Variants in VANGL1 observed in about 807,000 individuals in gnomAD.
VANGL1 encodes VANGL planar cell polarity protein 1.
Under a neutral mutation model 48.4 loss-of-function variants are expected in VANGL1, and 18 were observed. The observed-to-expected ratio is 0.37, with a 90% confidence interval of 0.26 to 0.55. VANGL1 has a LOEUF of 0.55. Among genes scored for constraint, VANGL1 ranks in the 20% least tolerant of loss-of-function variants. VANGL1 has a pLI of 0.81. For missense variants in VANGL1, 667 were observed against 675.8 expected (o/e 0.99, Z 0.14); for synonymous variants, 257 against 261.8 (o/e 0.98, Z 0.18).
At chr1:115,660,577 A>G (rs1652510318) in intron 3 of VANGL1, among the ~76,000 whole-genome samples, 2 of 152,232 alleles carry the variant, frequency 1.3e-5, no homozygotes, top group Admixed American at 6.5e-5. Context: ...TTAAATAAAC[A>G]TCTGAGCTAT....
Position 115,659,783 on chromosome 1 carries a change from A to T in VANGL1, c.204+10A>T. ...GACAGAGGAAGTTCAGGTAAGGATC[A>T]AAGGTGGTCTGTAAGCACACTGCCA... On this transcript the variant is annotated intron_variant, in intron 3 of 7. Coordinates refer to ENST00000355485, the MANE Select transcript of VANGL1 (RefSeq NM_138959.3). 6.2e-7 allele frequency: 1 copy of T among 1,614,172 alleles called. No homozygotes were observed. The highest frequency in any genetic ancestry group is 8.5e-7 in the Non-Finnish European group (1 of 1,180,016).
chr1:115,647,575 G>A (rs1379876383), intron 1 of VANGL1, among the ~76,000 whole-genome samples: 1 of 152,204 alleles, frequency 6.6e-6, no homozygotes, highest in Non-Finnish European at 1.5e-5. Context: ...GATAGGATAA[G>A]AGTTGGTAAC....
chr1:115,671,702 T>C (rs549455881), intron 4 of VANGL1, among the ~76,000 whole-genome samples: 1 of 152,210 alleles, frequency 6.6e-6, no homozygotes, highest in South Asian at 2.1e-4. Context: ...GGTTGGACTG[T>C]GTAAGGAAAT....
Position 115,645,534 on chromosome 1 carries a change from C to T in VANGL1, c.-138+3448C>T, listed in dbSNP as rs575509255. On this transcript the variant is annotated intron_variant, in intron 1 of 7. Transcript: ENST00000355485. ...ACTGAGGCAGAGAGCAGTTAAGTAA[C>T]TTGTTCTGAGGTCACACAGCTAAGT... is the stretch of plus-strand genomic sequence containing the variant. Among the ~76,000 whole-genome samples, 9 of 152,308 alleles carry T rather than the reference C, an allele frequency of 5.9e-5. No homozygotes were observed. In the South Asian group the frequency reaches 1.7e-3, roughly 28 times the overall value.
At chr1:115,661,554 G>C (rs532669391) in intron 3 of VANGL1, among the ~76,000 whole-genome samples, 35 of 142,930 alleles carry the variant, frequency 2.4e-4, no homozygotes, top group African/African-American at 8.6e-4. Flanking sequence ...GTATTCCATT[G>C]TATCAGTCTA....
chr1:115,668,708 CT>C (rs1461447615), intron 4 of VANGL1, among the ~76,000 whole-genome samples: 2 of 152,054 alleles, frequency 1.3e-5, no homozygotes, highest in African/African-American at 2.4e-5. Context: ...CTGAGGCTGA[CT>C]TTTTTTTCCT....
chr1:115,662,659 A>G (rs1434465321), intron 3 of VANGL1, among the ~76,000 whole-genome samples: 2 of 152,236 alleles, frequency 1.3e-5, no homozygotes, highest in East Asian at 3.8e-4. Context: ...TGTTTTAGAA[A>G]GAATTTTTAA....
intron 2 of VANGL1, among the ~76,000 whole-genome samples, chr1:115,656,912 A>G (rs1254812344): frequency 6.6e-6 from 1 of 152,252 alleles, no homozygotes; most frequent in Non-Finnish European, 1.5e-5. Context: ...TAGATGGGTT[A>G]GGTGAGCATG....
At chr1:115,676,888 A>G (rs964792213) in intron 4 of VANGL1, among the ~76,000 whole-genome samples, 1 of 152,218 alleles carries the variant, frequency 6.6e-6, no homozygotes, top group Non-Finnish European at 1.5e-5. Context: ...TTTGGAGCCC[A>G]CTTATCATGG....
chr1:115,677,690 GCA>G (rs1026702426), intron 4 of VANGL1, among the ~76,000 whole-genome samples: 12 of 152,200 alleles, frequency 7.9e-5, no homozygotes, highest in African/African-American at 7.2e-5. Context: ...CACCAGTTGA[GCA>G]CAGAGTCCTC....
intron 4 of VANGL1, among the ~76,000 whole-genome samples, chr1:115,673,907 T>A (rs1425804065): frequency 6.6e-6 from 1 of 152,114 alleles, no homozygotes; most frequent in Non-Finnish European, 1.5e-5. Flanking sequence ...GGCCACCTCT[T>A]TTCTTATACG....
At position 115,691,283 on chromosome 1, in the gene VANGL1, T is replaced by C. The variant is rs1653823241; in HGVS notation, c.1479T>C (p.Asn493=). 6.2e-7 allele frequency: 1 copy of C among 1,614,034 alleles called. No homozygotes were observed. The highest frequency in any genetic ancestry group is 1.3e-5 in the African/African-American group (1 of 74,900). ...LKCLDFSLVV[N]VKKIPFIILS... is the part of the protein sequence containing the mutation. ...GCTTGGACTTCAGCCTCGTAGTCAA[T>C]GTGAAGAAAATTCCATTCATCATAC... The change falls in exon 8 of 8, where the codon AAT becomes AAC. Residue 493 remains asparagine (N), a synonymous_variant. Coordinates refer to ENST00000355485, the MANE Select transcript of VANGL1 (RefSeq NM_138959.3).
chr1:115,654,861 G>A (rs1335777098), intron 2 of VANGL1, among the ~76,000 whole-genome samples: 1 of 152,148 alleles, frequency 6.6e-6, no homozygotes, highest in Non-Finnish European at 1.5e-5. Flanking sequence ...GGAGGTCATA[G>A]CCCCATTTTA....
intron 4 of VANGL1, among the ~76,000 whole-genome samples, chr1:115,681,471 G>A (rs1300055580): frequency 1.3e-5 from 2 of 151,384 alleles, no homozygotes; most frequent in Non-Finnish European, 2.9e-5. Context: ...GAAAGATCAA[G>A]TGGTCTCAGC....
At position 115,690,969 on chromosome 1, in the gene VANGL1, A is replaced by G. The variant is rs1570780564; in HGVS notation, c.1315-150A>G. The G allele has an allele frequency of 5.6e-6, 6 of 1,069,092 alleles. No homozygotes were observed. The South Asian group carries it at 5.7e-5, about 10-fold the overall frequency. 66.2% of individuals were successfully genotyped at this position (1,069,092 alleles called of 1,614,324 possible). On this transcript the variant is annotated intron_variant, in intron 7 of 7. Coordinates refer to ENST00000355485, the MANE Select transcript of VANGL1 (RefSeq NM_138959.3). The stretch of plus-strand genomic sequence containing the variant: ...GTAATGACTCAGTTGTGAGGGTCTG[A>G]TGGGAATTGAGTGTGATGAGCTGGG...
chr1:115,654,937 C>G (rs916868444), intron 2 of VANGL1, among the ~76,000 whole-genome samples: 5 of 152,122 alleles, frequency 3.3e-5, no homozygotes, highest in Admixed American at 1.3e-4. Flanking sequence ...TAGTAGGTGC[C>G]CTCAGCAGAT....
Position 115,655,207 on chromosome 1 carries a change from G to A in VANGL1, c.71+3723G>A, listed in dbSNP as rs534877811. ...AAAGGACGGGTCGTGGGTTGTGGGA[G>A]AGAAGGAAAGGGAGGAGTAACCGGT... On this transcript the variant is annotated intron_variant, in intron 2 of 7. Coordinates refer to ENST00000355485, the MANE Select transcript of VANGL1 (RefSeq NM_138959.3). Among the ~76,000 whole-genome samples, 9 of 152,326 alleles carry A rather than the reference G, an allele frequency of 5.9e-5. No homozygotes were observed. The East Asian group carries it at 1.7e-3, about 29-fold the overall frequency.
intron 4 of VANGL1, 117 bp from the exon 5 acceptor site, chr1:115,682,247 G>T (rs1038291942): frequency 1.4e-6 from 2 of 1,410,194 alleles, no homozygotes; most frequent in Non-Finnish European, 9.7e-7. Context: ...GTGGACTTCT[G>T]TATGAGATTA....
intron 1 of VANGL1, among the ~76,000 whole-genome samples, chr1:115,647,207 G>T (rs891967568): frequency 5.8e-5 from 8 of 139,114 alleles, no homozygotes; most frequent in African/African-American, 2.6e-4. Context: ...TCAGGGGTCA[G>T]TATGATAGAC....
Sources: gnomAD v4.1 joint callset for allele counts (sites outside exome capture counted in the v4.1 genomes callset) on GRCh38, gnomAD v4.1.1 for gene constraint, MANE v1.5 for transcripts, NCBI Gene and HGNC (gene_info 2026-07-23, HGNC 2026-07-21) for gene names.